CRYBG3: variants seen among roughly 807,000 people sequenced by gnomAD.
CRYBG3 encodes very large A-kinase anchor protein.
Under a neutral mutation model 244.2 loss-of-function variants are expected in CRYBG3, and 127 were observed. The ratio of observed to expected loss-of-function variants is 0.52; its 90% CI spans 0.45 to 0.60. The LOEUF is 0.60. Among genes scored for constraint, CRYBG3 ranks in the 20% least tolerant of loss-of-function variants. The pLI is 0.00. For missense variants in CRYBG3, 3,325 were observed against 3,442.5 expected (o/e 0.97, Z 0.85); for synonymous variants, 1,132 against 1,195.8 (o/e 0.95, Z 1.10).
At chr3:97,922,980 CATAT>C (rs1237098049) in intron 17 of CRYBG3, among the ~76,000 whole-genome samples, 1 of 152,118 alleles carries the variant, frequency 6.6e-6, no homozygotes, top group African/African-American at 2.4e-5. Context: ...AAATGTGGCA[CATAT>C]ATACCATGGA....
chr3:97,872,599 T>C lies in CRYBG3; in HGVS notation c.1405T>C (p.Leu469=), dbSNP rs2039318562. 2.6e-6 allele frequency: 4 copies of C among 1,535,842 alleles called. No individual in the cohort carries two copies. Among genetic ancestry groups the C allele is most frequent in the Admixed American group, 2.0e-5 (1 of 50,966 alleles). ...ATCAATTAGGCATGAACATCTGCAGTTGCCAGAGAGTGAGTGTTCTGACAA... is the reference window on the plus strand; with the variant it reads ...ATCAATTAGGCATGAACATCTGCAGCTGCCAGAGAGTGAGTGTTCTGACAA... ...NKSIRHEHLQ[L]PESECSDKQT... Residue 469 remains leucine (L), a synonymous_variant, in exon 4 of 22, where the codon TTG becomes CTG. Transcript: ENST00000389622.
rs781766268 is a variant in CRYBG3, at chr3:97,877,449, G to T, written c.6255G>T (p.Leu2085Phe). Reference protein sequence around the residue: ...AKRYKIYPLALSPIYEDDSSQ... With the variant: ...AKRYKIYPLAFSPIYEDDSSQ... The stretch of plus-strand genomic sequence containing the variant: ...GGTACAAAATTTATCCTTTAGCATT[G>T]TCTCCCATTTATGAGGATGACAGCT... Residue 2085 changes from leucine to phenylalanine, a missense_variant, in exon 4 of 22, where the codon TTG becomes TTT. Physicochemically the swap from Leu to Phe is conservative, Grantham distance 22. Transcript: ENST00000389622. 6.2e-7 allele frequency: 1 copy of T among 1,614,098 alleles called. No homozygotes were observed. Among genetic ancestry groups the T allele is most frequent in the South Asian group, 1.1e-5 (1 of 91,076 alleles).
chr3:97,858,389 T>G (rs1006520411), intron 2 of CRYBG3, among the ~76,000 whole-genome samples: 3 of 152,072 alleles, frequency 2.0e-5, no homozygotes, highest in African/African-American at 7.2e-5. Flanking sequence ...TTGAATCTAT[T>G]TGGGGACTTT....
chr3:97,875,881 G>A lies in CRYBG3; in HGVS notation c.4687G>A (p.Ala1563Thr). The change falls in exon 4 of 22, where the codon GCA becomes ACA. Residue 1563 changes from alanine (A) to threonine (T), a missense_variant. Physicochemically the swap from Ala to Thr is moderately conservative, Grantham distance 58. Coordinates refer to ENST00000389622, the MANE Select transcript of CRYBG3 (RefSeq NM_153605.4). ...TGAATTGAATATTCTGAAATATGAG[G>A]CAGTCCCTCCTATGATAGAAATGGG... ...DAELNILKYE[A>T]VPPMIEMGRI... 2.4e-6 allele frequency: 3 copies of A among 1,231,856 alleles called. No individual in the cohort carries two copies. Among genetic ancestry groups the A allele is most frequent in the Non-Finnish European group, 3.0e-6 (3 of 987,824 alleles). The allele number at this position is 1,231,856 out of a possible 1,614,324, so 76.3% of individuals were successfully genotyped here. A position where few individuals can be genotyped will look rare whatever the true frequency, so the allele number is the denominator to read the frequency against.
chr3:97,928,590 G>C (rs2107090625), intron 17 of CRYBG3, among the ~76,000 whole-genome samples: 1 of 152,048 alleles, frequency 6.6e-6, no homozygotes. Flanking sequence ...AAAAAATACA[G>C]TTCTGCAATC....
chr3:97,933,145 T>C (rs1413020771), intron 17 of CRYBG3: 1 of 454,546 alleles, frequency 2.2e-6, no homozygotes, highest in Non-Finnish European at 4.4e-6. Flanking sequence ...TCTATTCTTG[T>C]CTGACATGAT....
chr3:97,870,409 G>A (rs930539703), intron 3 of CRYBG3, among the ~76,000 whole-genome samples: 2 of 152,100 alleles, frequency 1.3e-5, no homozygotes, highest in Non-Finnish European at 2.9e-5. Flanking sequence ...GTTTTCCTGT[G>A]TTAATTCACT....
intron 15 of CRYBG3, among the ~76,000 whole-genome samples, chr3:97,905,270 G>T (rs1347424795): frequency 6.6e-6 from 1 of 151,728 alleles, no homozygotes; most frequent in African/African-American, 2.4e-5. Context: ...GTAATGGGAT[G>T]GCTGGGTCAA....
At chr3:97,914,282 G>C (rs1004865522) in intron 16 of CRYBG3, among the ~76,000 whole-genome samples, 3 of 152,058 alleles carry the variant, frequency 2.0e-5, no homozygotes, top group Admixed American at 6.6e-5. Flanking sequence ...CACACAGCAA[G>C]GACCTGAAAT....
chr3:97,910,403 C>T (rs1174952662), intron 15 of CRYBG3, among the ~76,000 whole-genome samples: 1 of 150,374 alleles, frequency 6.7e-6, no homozygotes, highest in Non-Finnish European at 1.5e-5. Flanking sequence ...CAGCGAGACT[C>T]TGTGGGCGTA....
intron 2 of CRYBG3, among the ~76,000 whole-genome samples, chr3:97,856,440 G>A (rs2108192561): frequency 6.6e-6 from 1 of 152,282 alleles, no homozygotes; most frequent in South Asian, 2.1e-4. Context: ...GTAAAGAGAG[G>A]CATAGGAAAT....
intron 2 of CRYBG3, among the ~76,000 whole-genome samples, chr3:97,850,010 G>T (rs915787801): frequency 6.6e-6 from 1 of 152,050 alleles, no homozygotes; most frequent in African/African-American, 2.4e-5. Context: ...CATATATCGT[G>T]AGCTTCAGGG....
rs1576535960 is a variant in CRYBG3 at position 97,873,074 on chromosome 3, C to G, written c.1880C>G (p.Ser627Cys). 1 of 1,534,854 alleles carries G rather than the reference C, an allele frequency of 6.5e-7. No individual in the cohort carries two copies. Among genetic ancestry groups the G allele is most frequent in the African/African-American group, 1.4e-5 (1 of 73,082 alleles). ...RSHISETPLD[S>C]ESPQQAEVSP... is the part of the protein sequence containing the mutation. ...CACATTTCAGAAACTCCTCTTGACT[C>G]TGAGAGTCCTCAACAAGCTGAAGTA... is the stretch of plus-strand genomic sequence containing the variant. The change falls in exon 4 of 22, where the codon TCT becomes TGT. Residue 627 changes from serine to cysteine, a missense_variant. By Grantham distance (112) the Ser-to-Cys change is moderately radical (BLOSUM62 -1). Coordinates refer to ENST00000389622, the MANE Select transcript of CRYBG3 (RefSeq NM_153605.4).
rs896780975 is a variant in CRYBG3, at chr3:97,864,614, A to G, written c.614A>G (p.Gln205Arg). 8 of 1,528,932 alleles carry G rather than the reference A, an allele frequency of 5.2e-6. 1 individual carries two copies. The highest frequency in any genetic ancestry group is 2.8e-5 in the African/African-American group (2 of 72,716). The allele number at this position is 1,528,932 out of a possible 1,614,324, so 94.7% of individuals were successfully genotyped here. A position where few individuals can be genotyped will look rare whatever the true frequency, so the allele number is the denominator to read the frequency against. Residue 205 changes from glutamine to arginine, a missense_variant, in exon 3 of 22, where the codon CAA (glutamine) becomes CGA (arginine). Gln to Arg is a conservative substitution (Grantham distance 43, BLOSUM62 1). Around this residue, in one of 4 missense-constraint regions of CRYBG3, gnomAD observed 1,526 missense variants for 1,443.2 expected, o/e 1.06. Transcript: ENST00000389622. ...GATGCTTTTTCTTTGGATACAACACAAGACAGTGACCAAGAAACCACTAAT... is the reference window on the plus strand; with the variant it reads ...GATGCTTTTTCTTTGGATACAACACGAGACAGTGACCAAGAAACCACTAAT... ...LSDAFSLDTTQDSDQETTNLL... is the reference protein window; with the variant it reads ...LSDAFSLDTTRDSDQETTNLL...
At chr3:97,914,384 C>T (rs967518867) in intron 16 of CRYBG3, among the ~76,000 whole-genome samples, 9 of 152,106 alleles carry the variant, frequency 5.9e-5, no homozygotes, top group Non-Finnish European at 8.8e-5. Context: ...TAATGAGAAG[C>T]ATTGAAGTTT....
intron 1 of CRYBG3, among the ~76,000 whole-genome samples, chr3:97,832,388 A>C (rs1322146354): frequency 6.6e-6 from 1 of 152,170 alleles, no homozygotes; most frequent in Non-Finnish European, 1.5e-5. Flanking sequence ...CCAATGGAAC[A>C]GAACAGAGGC....
At chr3:97,832,462 A>G (rs1184903287) in intron 1 of CRYBG3, among the ~76,000 whole-genome samples, 2 of 152,168 alleles carry the variant, frequency 1.3e-5, no homozygotes, top group Non-Finnish European at 2.9e-5. Context: ...AAAACAAGCA[A>G]TGGGGAAAGG....
rs1263754989 is a variant in CRYBG3 at position 97,877,297 on chromosome 3, C to G, written c.6103C>G (p.Pro2035Ala). 1.9e-6 allele frequency: 3 copies of G among 1,613,976 alleles called. No homozygotes were observed. In the African/African-American group the frequency reaches 4.0e-5, roughly 22 times the overall value. ...TCATGATACGTCCGCTGACAGCATG[C>G]CTGTTCTGGCATGTGAAAGGTCTGA... ...LFHDTSADSM[P>A]VLACERSESR... Residue 2035 changes from proline (P) to alanine (A), a missense_variant, in exon 4 of 22, where the codon CCT becomes GCT. By Grantham distance (27) the Pro-to-Ala change is conservative. This residue lies in a region of CRYBG3 where 450 missense variants were observed against 424.1 expected (regional missense o/e 1.06). Transcript: ENST00000389622.
Position 97,933,814 on chromosome 3 carries a change from G to T in CRYBG3, c.8362G>T (p.Val2788Leu), listed in dbSNP as rs191687453. The T allele has an allele frequency of 9.4e-5, 152 of 1,612,454 alleles. No homozygotes were observed. In the East Asian group the frequency reaches 3.2e-3, roughly 34 times the overall value. ...NKDLHFYTQS[V>L]WVKSGLWIAY... ...GGACCTACACTTCTACACCCAGTCT[G>T]TGTGGGTAAAAAGTGGACTGTAAGT... The change falls in exon 18 of 22, where the codon GTG becomes TTG. Residue 2788 changes from valine to leucine, a missense_variant. Val to Leu is a conservative substitution (Grantham distance 32). Transcript: ENST00000389622.
Sources: gnomAD v4.1 joint callset for allele counts (sites outside exome capture counted in the v4.1 genomes callset) on GRCh38, gnomAD v4.1.1 for gene constraint, gnomAD v4.1.1 regional missense constraint, MANE v1.5 for transcripts, NCBI Gene and HGNC (gene_info 2026-07-23, HGNC 2026-07-21) for gene names.